Variants in MGST1 observed in about 807,000 individuals in gnomAD.
MGST1 encodes microsomal glutathione S-transferase 1.
MGST1 carries 5 observed loss-of-function variants against 8.9 expected under a neutral mutation model. That is an observed-to-expected ratio of 0.56 (90% confidence interval 0.29 to 1.19). MGST1 has a LOEUF of 1.19. MGST1 is among the 50% of genes most tolerant of loss of function. The pLI, the probability that MGST1 is intolerant of heterozygous loss-of-function variation, is 0.08. For missense variants in MGST1, 182 were observed against 187.4 expected, an observed-to-expected ratio of 0.97 and a Z score of 0.17; for synonymous variants, 54 against 67.8, an observed-to-expected ratio of 0.80 and a Z score of 1.00.
chr12:16,411,771 A>C (rs1036309195), intron 1 of MGST1, among the ~76,000 whole-genome samples: 3 of 152,188 alleles, frequency 2.0e-5, no homozygotes, highest in Admixed American at 2.0e-4. Flanking sequence ...TGTATATTAG[A>C]ATTGTATTCT....
chr12:16,388,507 T>G (rs1940524182), intron 1 of MGST1, among the ~76,000 whole-genome samples: 1 of 152,176 alleles, frequency 6.6e-6, no homozygotes, highest in Non-Finnish European at 1.5e-5. Context: ...CAGTAGGATT[T>G]GATACTATTG....
rs992462716 is a variant in MGST1, at chr12:16,413,409, G to C, written n.779-23979G>C. On this transcript the variant is annotated intron_variant and non_coding_transcript_variant, in intron 1 of 1. Transcript: ENST00000359720. This position sits in a 1 kb window ranked among gnomAD's most constrained non-coding sequence, Gnocchi z 4.0. ...CAAGATTTTGCTAACTCTCATCCAA[G>C]CAGCCCCATTGTGAACAGAACACTC... 2.0e-5 allele frequency among the ~76,000 whole-genome samples: 3 copies of C among 152,294 alleles called. No homozygotes were observed. Among genetic ancestry groups the C allele is most frequent in the Admixed American group, 1.3e-4 (2 of 15,280 alleles).
At chr12:16,486,898 G>T (rs539312489) in intron 4 of MGST1, among the ~76,000 whole-genome samples, 1 of 151,162 alleles carries the variant, frequency 6.6e-6, no homozygotes, top group Non-Finnish European at 1.5e-5. Flanking sequence ...TCCTGTAATT[G>T]CAGGACTCGC....
At chr12:16,550,681 T>G (rs1347410495) in intron 4 of MGST1, 1 of 152,566 alleles carries the variant, frequency 6.6e-6, no homozygotes, top group African/African-American at 2.4e-5. Context: ...GTGTCTTTAT[T>G]TTTTAGTATT....
intron 4 of MGST1, among the ~76,000 whole-genome samples, chr12:16,581,029 CAA>C (rs1943142609): frequency 6.6e-6 from 1 of 152,102 alleles, no homozygotes; most frequent in African/African-American, 2.4e-5. Flanking sequence ...CAGCCACTAA[CAA>C]ATTTTTTTCT....
At chr12:16,388,591 A>G (rs1940524769) in intron 1 of MGST1, among the ~76,000 whole-genome samples, 1 of 152,214 alleles carries the variant, frequency 6.6e-6, no homozygotes, top group Non-Finnish European at 1.5e-5. Context: ...TTCCCTGTTT[A>G]TTAAAACCAG....
intron 4 of MGST1, among the ~76,000 whole-genome samples, chr12:16,533,738 A>T (rs2137203430): frequency 6.8e-6 from 1 of 146,808 alleles, no homozygotes; most frequent in East Asian, 2.0e-4. Flanking sequence ...AAAAAAAAAA[A>T]GTTTGTGATC....
chr12:16,399,270 A>C (rs1244887213), intron 1 of MGST1: 1 of 1,603,512 alleles, frequency 6.2e-7, no homozygotes, highest in Non-Finnish European at 8.5e-7. Flanking sequence ...GCCAAAGTTC[A>C]GAAGTTACTT....
chr12:16,490,816 C>T (rs564812453), intron 4 of MGST1, among the ~76,000 whole-genome samples: 3 of 152,272 alleles, frequency 2.0e-5, no homozygotes, highest in African/African-American at 7.2e-5. Context: ...CTCCATCCAT[C>T]CCGGGACACA....
At chr12:16,352,930 A>C (rs917594088) in intron 1 of MGST1, among the ~76,000 whole-genome samples, 2 of 152,174 alleles carry the variant, frequency 1.3e-5, no homozygotes, top group Non-Finnish European at 2.9e-5. Flanking sequence ...CAATTGTGAT[A>C]AGGATATTAT....
intron 1 of MGST1, among the ~76,000 whole-genome samples, chr12:16,390,558 C>T (rs903903555): frequency 2.0e-5 from 3 of 152,166 alleles, no homozygotes; most frequent in Non-Finnish European, 2.9e-5. Context: ...ATTTGGTTTT[C>T]TGTTTCTGTG....
In MGST1 at chr12:16,389,283, A is replaced by G. The variant is rs993067942; in HGVS notation, n.778+5679A>G. ...CGATGCATCAACAGTTTGTATCTCA[A>G]CAGTCATTTATTGAGCCAGTTATTT... is the stretch of plus-strand genomic sequence containing the variant. On this transcript the variant is annotated intron_variant and non_coding_transcript_variant, in intron 1 of 1. Coordinates refer to the MGST1 transcript ENST00000359720. This position sits in a 1 kb window ranked among gnomAD's most constrained non-coding sequence, Gnocchi z 4.6. Among the ~76,000 whole-genome samples the G allele has an allele frequency of 1.6e-4, 24 of 152,218 alleles. No individual in the cohort carries two copies. Among genetic ancestry groups the G allele is most frequent in the African/African-American group, 5.8e-4 (24 of 41,458 alleles).
chr12:16,444,025 G>A (rs1432270318), intron 4 of MGST1, among the ~76,000 whole-genome samples: 1 of 151,792 alleles, frequency 6.6e-6, no homozygotes. Context: ...CTGGCTGATC[G>A]ATCAGTCAGA....
intron 4 of MGST1, among the ~76,000 whole-genome samples, chr12:16,579,895 C>T (rs973199114): frequency 6.6e-6 from 1 of 152,106 alleles, no homozygotes; most frequent in Non-Finnish European, 1.5e-5. Flanking sequence ...TATTTATACC[C>T]ACTAGGTTTA....
chr12:16,551,094 T>C (rs1941971768), intron 4 of MGST1: 3 of 632,750 alleles, frequency 4.7e-6, no homozygotes, highest in Admixed American at 2.6e-5. Flanking sequence ...TTTTATTCCA[T>C]ATAACCATCC....
chr12:16,440,352 A>C (rs1941028895), downstream of MGST1, among the ~76,000 whole-genome samples: 1 of 151,746 alleles, frequency 6.6e-6, no homozygotes, highest in Non-Finnish European at 1.5e-5. Flanking sequence ...GCCACTCAAT[A>C]ATTCCAACTT....
intron 4 of MGST1, among the ~76,000 whole-genome samples, chr12:16,588,484 A>G (rs1456189453): frequency 6.6e-6 from 1 of 152,102 alleles, no homozygotes; most frequent in Non-Finnish European, 1.5e-5. Flanking sequence ...TTACAAGGCC[A>G]TAGAACTTTT....
chr12:16,577,916 T>C (rs1404688737), intron 4 of MGST1, among the ~76,000 whole-genome samples: 1 of 152,230 alleles, frequency 6.6e-6, no homozygotes, highest in Non-Finnish European at 1.5e-5. Context: ...GTGACATTTT[T>C]AGACTAAAAT....
Position 16,548,154 on chromosome 12 carries a change from A to G in MGST1, n.483-41374A>G, listed in dbSNP as rs977733187. ...CCAGCAATTGCTACCTTCATTTTTG[A>G]GAGTTTTATTTTCCCCATAAAAATA... is the stretch of plus-strand genomic sequence containing the variant. On this transcript the variant is annotated intron_variant and non_coding_transcript_variant, in intron 4 of 4. Coordinates refer to the MGST1 transcript ENST00000538857. The surrounding 1 kb of genome is among the most constrained non-coding windows in gnomAD (Gnocchi z 4.2). 1.1e-4 allele frequency among the ~76,000 whole-genome samples: 17 copies of G among 152,194 alleles called. No individual in the cohort carries two copies. Among genetic ancestry groups the G allele is most frequent in the African/African-American group, 4.1e-4 (17 of 41,458 alleles).
Sources: gnomAD v4.1 joint callset for allele counts (sites outside exome capture counted in the v4.1 genomes callset) on GRCh38, gnomAD v4.1.1 for gene constraint, Gnocchi (gnomAD v3.1) non-coding constraint, MANE v1.5 for transcripts, NCBI Gene and HGNC (gene_info 2026-07-23, HGNC 2026-07-21) for gene names.